The following TDO2 variants were observed in gnomAD, a reference collection of about 807,000 sequenced individuals.
The protein encoded by TDO2 is tryptamin 2,3-dioxygenase.
TDO2 carries 63 observed loss-of-function variants against 61.2 expected under a neutral mutation model. The observed-to-expected ratio is 1.03, with a 90% confidence interval of 0.84 to 1.27. TDO2 has a LOEUF of 1.27. Ranked by LOEUF, TDO2 falls within the 50% of genes most tolerant of loss-of-function variation. The pLI, the probability that TDO2 is intolerant of heterozygous loss-of-function variation, is 0.00. For synonymous variants in TDO2, 183 were observed against 164.0 expected (o/e 1.12, Z -0.89); for missense variants, 494 against 469.5 (o/e 1.05, Z -0.48).
At chr4:155,913,451 G>C (rs1050048983) in intron 7 of TDO2, among the ~76,000 whole-genome samples, 1 of 151,990 alleles carries the variant, frequency 6.6e-6, no homozygotes, top group Non-Finnish European at 1.5e-5. Context: ...CTTGGCTCGA[G>C]GAAAACTTCT....
chr4:155,911,654 AT>A, intron 7 of TDO2, 50 bp downstream of exon 7: 1 of 1,244,318 alleles, frequency 8.0e-7, no homozygotes, highest in Non-Finnish European at 1.1e-6. Flanking sequence ...AATATTCAAA[AT>A]TTTATTTTAA....
intron 7 of TDO2, among the ~76,000 whole-genome samples, chr4:155,913,855 A>G (rs1011318409): frequency 2.0e-5 from 3 of 152,160 alleles, no homozygotes; most frequent in African/African-American, 4.8e-5. Flanking sequence ...AATGAATAAA[A>G]CATGAGTGAG....
At chr4:155,907,554 C>T in intron 3 of TDO2, 168 bp from the exon 4 acceptor site, 1 of 565,568 alleles carries the variant, frequency 1.8e-6, no homozygotes, top group Non-Finnish European at 3.1e-6. Context: ...GCTATTACAA[C>T]TTTAACACTA....
At chr4:155,910,931 T>C (rs1237791604) in intron 6 of TDO2, among the ~76,000 whole-genome samples, 1 of 152,062 alleles carries the variant, frequency 6.6e-6, no homozygotes, top group South Asian at 2.1e-4. Flanking sequence ...TTATAATAAG[T>C]ATAGGTTAAA....
chr4:155,916,607 C>T (rs1742941916), intron 9 of TDO2, among the ~76,000 whole-genome samples: 1 of 151,884 alleles, frequency 6.6e-6, no homozygotes, highest in Non-Finnish European at 1.5e-5. Flanking sequence ...GCAAACTGTA[C>T]CACTTATTCA....
intron 6 of TDO2, 149 bp downstream of exon 6, chr4:155,910,360 G>A (rs375688290): frequency 8.5e-6 from 5 of 588,050 alleles, no homozygotes; most frequent in Non-Finnish European, 1.1e-5. Context: ...ACATGAATTT[G>A]TAAATTCATG....
chr4:155,905,008 A>G (rs1309774593), intron 2 of TDO2, 59 bp from the exon 3 acceptor site: 7 of 1,192,180 alleles, frequency 5.9e-6, no homozygotes, highest in Middle Eastern at 2.5e-4. Context: ...ACTTCTTACT[A>G]AAGTTCATAA....
intron 9 of TDO2, among the ~76,000 whole-genome samples, chr4:155,916,225 T>C (rs968285860): frequency 1.5e-5 from 2 of 134,802 alleles, no homozygotes; most frequent in Non-Finnish European, 3.1e-5. Flanking sequence ...GGGAGTGCAG[T>C]GGTGCAATCT....
At chr4:155,905,363 T>C (rs760894321) in intron 3 of TDO2, 1 of 449,716 alleles carries the variant, frequency 2.2e-6, no homozygotes, top group Non-Finnish European at 3.9e-6. Flanking sequence ...CCTCTGCTAA[T>C]AGGTGAAGTA....
intron 6 of TDO2, 116 bp from the exon 7 acceptor site, chr4:155,911,381 T>C (rs368113842): frequency 5.0e-6 from 3 of 595,716 alleles, no homozygotes. Context: ...ATAAAACTTG[T>C]AGCATATGTT....
rs1742977209 is a variant in TDO2, at chr4:155,918,159, G to A, written c.987G>A (p.Val329=). The A allele has an allele frequency of 5.6e-6, 9 of 1,613,824 alleles. No homozygotes were observed. The South Asian group carries it at 7.7e-5, about 14-fold the overall frequency. The stretch of plus-strand genomic sequence containing the variant: ...TGTATGTTTGCCTAGATAACCATGT[G>A]TGCATGGTGCACAGAATGCTGGGCA... ...SLMTKWRYNH[V]CMVHRMLGSK... Residue 329 remains valine, a synonymous_variant, in exon 11 of 12, where the codon GTG becomes GTA. Coordinates refer to ENST00000536354, the MANE Select transcript of TDO2 (RefSeq NM_005651.4).
At chr4:155,904,677 T>A (rs1009153052) in intron 2 of TDO2, among the ~76,000 whole-genome samples, 1 of 152,178 alleles carries the variant, frequency 6.6e-6, no homozygotes, top group Non-Finnish European at 1.5e-5. Context: ...ATCGGTGAGT[T>A]TCTAAGGATT....
chr4:155,918,045 A>C (rs533100373), intron 10 of TDO2, 104 bp from the exon 11 acceptor site: 481 of 1,145,474 alleles, frequency 4.2e-4, no homozygotes, highest in Non-Finnish European at 5.7e-4. Context: ...TTAGTTGTCA[A>C]CATTTTCTCA....
intron 2 of TDO2, among the ~76,000 whole-genome samples, chr4:155,904,484 T>G (rs1438406118): frequency 6.6e-6 from 1 of 152,192 alleles, no homozygotes; most frequent in East Asian, 1.9e-4. Context: ...GAAAAAGTTC[T>G]CCTTTAAATC....
Position 155,914,439 on chromosome 4 carries a change from G to C in TDO2, c.838+5G>C. 6 of 1,559,102 alleles carry C rather than the reference G, an allele frequency of 3.8e-6. No homozygotes were observed. Among genetic ancestry groups the C allele is most frequent in the Non-Finnish European group, 5.2e-6 (6 of 1,157,364 alleles). On this transcript the variant is annotated splice_donor_5th_base_variant and intron_variant, in intron 8 of 11. Transcript: ENST00000536354. ...ATGAACATCTCCTTAGTAAAGGCAG[G>C]TATTTTTACTTTATGAATCTTTTCC...
intron 1 of TDO2, 24 bp downstream of exon 1, chr4:155,903,817 G>C (rs1165792695): frequency 3.1e-6 from 5 of 1,613,954 alleles, no homozygotes; most frequent in Non-Finnish European, 4.2e-6. Flanking sequence ...TTTATTCTAA[G>C]TGGGTTTTGG....
chr4:155,904,963 T>C lies in TDO2; in HGVS notation c.142-104T>C, dbSNP rs1053971521. 4 of 689,586 alleles carry C rather than the reference T, an allele frequency of 5.8e-6. No individual in the cohort carries two copies. The Admixed American group carries it at 1.4e-4, about 24-fold the overall frequency. 42.7% of individuals were successfully genotyped at this position (689,586 alleles called of 1,614,324 possible). The stretch of plus-strand genomic sequence containing the variant: ...AAACTAGATTGGTTTCTGAGAATTT[T>C]GAGTTTGGAGGAGCATTTGTCATTA... On this transcript the variant is annotated intron_variant, in intron 2 of 11. Transcript: ENST00000536354.
At chr4:155,914,200 A>AT (rs1332182704) in intron 7 of TDO2, 123 bp from the exon 8 acceptor site, 3 of 651,044 alleles carry the variant, frequency 4.6e-6, no homozygotes, top group Non-Finnish European at 7.8e-6. Context: ...ATTAGAAGAT[A>AT]CAGTAAATAT....
chr4:155,916,064 T>C (rs1420235624), intron 9 of TDO2, 152 bp downstream of exon 9: 1 of 627,426 alleles, frequency 1.6e-6, no homozygotes, highest in Non-Finnish European at 2.6e-6. Flanking sequence ...TGAAGTTTTA[T>C]GCCCCCGTCC....
Sources: gnomAD v4.1 joint callset for allele counts (sites outside exome capture counted in the v4.1 genomes callset) on GRCh38, gnomAD v4.1.1 for gene constraint, MANE v1.5 for transcripts, NCBI Gene and HGNC (gene_info 2026-07-23, HGNC 2026-07-21) for gene names.